ELL3: variants seen among roughly 807,000 people sequenced by gnomAD.
The protein encoded by ELL3 is elongation factor for RNA polymerase II 3.
A neutral mutation model predicts 58.5 loss-of-function variants in ELL3; 48 were observed. The observed-to-expected ratio is 0.82, with a 90% CI of 0.65 to 1.04. ELL3 has a LOEUF of 1.04. Among genes scored for constraint, ELL3 ranks in the 50% least tolerant of loss-of-function variants. The pLI, the probability that ELL3 is intolerant of heterozygous loss-of-function variation, is 0.00. For synonymous variants in ELL3, 174 were observed against 173.2 expected (o/e 1.00, Z -0.04); for missense variants, 458 against 478.4 (o/e 0.96, Z 0.40).
Position 43,774,687 on chromosome 15 carries a change from C to T in ELL3, c.732G>A (p.Leu244=). The T allele has an allele frequency of 1.2e-6, 2 of 1,614,140 alleles. No individual in the cohort carries two copies. Among genetic ancestry groups the T allele is most frequent in the Non-Finnish European group, 1.7e-6 (2 of 1,180,036 alleles). Residue 244 remains leucine (L), a synonymous_variant, in exon 7 of 11, where the codon CTG becomes CTA. Coordinates refer to ENST00000319359, the MANE Select transcript of ELL3 (RefSeq NM_025165.3). ...LPLVPSPLQG[L]TNQDLQEGED... is the part of the protein sequence containing the mutation. ...CTCCCTCTTGTAAATCCTGATTGGT[C>T]AGGCCTTGTAGGGGGCTTGGCACTA...
chr15:43,775,826 C>T lies in ELL3; in HGVS notation c.379G>A (p.Gly127Arg), dbSNP rs748786821. Residue 127 changes from glycine (G) to arginine (R), a missense_variant, in exon 4 of 11, where the codon GGA becomes AGA. Coordinates refer to ENST00000319359, the MANE Select transcript of ELL3 (RefSeq NM_025165.3). The stretch of plus-strand genomic sequence containing the variant: ...CTGGCATCTTCAGTCAGGTTGTGTC[C>T]CTGAACTGATGATGGGGCTGGGATA... Reference protein sequence around the residue: ...DSIPAPSSVQGHNLTEDARHP... With the variant: ...DSIPAPSSVQRHNLTEDARHP... 1 of 1,614,112 alleles carries T rather than the reference C, an allele frequency of 6.2e-7. No individual in the cohort carries two copies.
chr15:43,773,527 A>AG (rs1567161163), intron 9 of ELL3, among the ~76,000 whole-genome samples, 179 bp from the exon 10 acceptor site: 1 of 152,028 alleles, frequency 6.6e-6, no homozygotes, highest in Admixed American at 6.5e-5. Flanking sequence ...CTAAAAAAAT[A>AG]CAAAAAAATT....
At chr15:43,773,524 AAT>A in intron 9 of ELL3, among the ~76,000 whole-genome samples, 176 bp from the exon 10 acceptor site, 1 of 152,022 alleles carries the variant, frequency 6.6e-6, no homozygotes, top group East Asian at 1.9e-4. Context: ...CTACTAAAAA[AAT>A]ACAAAAAAAT....
Position 43,776,140 on chromosome 15 carries a change from G to A in ELL3, c.180C>T (p.Leu60=). The change falls in exon 3 of 11, where the codon CTC becomes CTT. Residue 60 remains leucine (L), a synonymous_variant. Transcript: ENST00000319359. ...AFQGHRGYLR[L]PGPGWSCLFS... is the part of the protein sequence containing the mutation. The stretch of plus-strand genomic sequence containing the variant: ...AGAGGCAGGACCAACCAGGGCCTGG[G>A]AGTCTCAGATACTGGGGGTGGAAGG... 1 of 1,614,086 alleles carries A rather than the reference G, an allele frequency of 6.2e-7. No individual in the cohort carries two copies. Among genetic ancestry groups the A allele is most frequent in the Non-Finnish European group, 8.5e-7 (1 of 1,179,992 alleles).
rs1392078607 is a variant in ELL3 at position 43,775,546 on chromosome 15, T to G, written c.548A>C (p.His183Pro). 1 of 1,614,208 alleles carries G rather than the reference T, an allele frequency of 6.2e-7. No individual in the cohort carries two copies. Among genetic ancestry groups the G allele is most frequent in the East Asian group, 2.2e-5 (1 of 44,886 alleles). ...GQSLPGSSRE[H>P]MAQWEVRSQT... is the part of the protein sequence containing the mutation. ...GTACCTCACTTCCCACTGTGCCATG[T>G]GCTCCCTTGAGGATCCTGGGAGTGA... is the stretch of plus-strand genomic sequence containing the variant. The change falls in exon 5 of 11, where the codon CAC becomes CCC. Residue 183 changes from histidine (H) to proline (P), a missense_variant. By Grantham distance (77) the His-to-Pro change is moderately conservative. Transcript: ENST00000319359.
chr15:43,776,224 A>G (rs772918291), intron 2 of ELL3, 73 bp from the exon 3 acceptor site: 1 of 1,395,762 alleles, frequency 7.2e-7, no homozygotes. Flanking sequence ...CTCGTCCGGG[A>G]GCCAGTCCGT....
In ELL3 at chr15:43,776,126, C is replaced by G; in HGVS notation, c.194G>C (p.Trp65Ser). Residue 65 changes from tryptophan (W) to serine (S), a missense_variant, in exon 3 of 11, where the codon TGG becomes TCG. Transcript: ENST00000319359. ...RGYLRLPGPG[W>S]SCLFSFIVSQ... The stretch of plus-strand genomic sequence containing the variant: ...CACTATGAAGGAGAAGAGGCAGGAC[C>G]AACCAGGGCCTGGGAGTCTCAGATA... The G allele has an allele frequency of 6.2e-7, 1 of 1,614,156 alleles. No individual in the cohort carries two copies. Among genetic ancestry groups the G allele is most frequent in the Non-Finnish European group, 8.5e-7 (1 of 1,180,020 alleles).
intron 9 of ELL3, 148 bp from the exon 10 acceptor site, chr15:43,773,496 A>C: frequency 1.3e-6 from 1 of 783,752 alleles, no homozygotes. Flanking sequence ...ATCCTGGCTA[A>C]CACAGTGAAA....
In ELL3 at chr15:43,775,847, G is replaced by A. The variant is rs2086911271; in HGVS notation, c.358C>T (p.Pro120Ser). The change falls in exon 4 of 11, where the codon CCA becomes TCA. Residue 120 changes from proline (P) to serine (S), a missense_variant. Pro to Ser is a moderately conservative substitution (Grantham distance 74). Transcript: ENST00000319359. ...LIIWAAMDSI[P>S]APSSVQGHNL... is the part of the protein sequence containing the mutation. ...TGTCCCTGAACTGATGATGGGGCTG[G>A]GATAGAATCCATGGCTGCCCAAATA... 2 of 1,614,046 alleles carry A rather than the reference G, an allele frequency of 1.2e-6. No homozygotes were observed. Among genetic ancestry groups the A allele is most frequent in the Non-Finnish European group, 1.7e-6 (2 of 1,180,042 alleles).
chr15:43,774,505 T>G lies in ELL3; in HGVS notation c.837A>C (p.Pro279=). The change falls in exon 8 of 11, where the codon CCA becomes CCC. Residue 279 remains proline, a synonymous_variant. Coordinates refer to ENST00000319359, the MANE Select transcript of ELL3 (RefSeq NM_025165.3). The part of the protein sequence containing the change: ...SSSVQEDSES[P]SPEDIPDYLL... ...GGTAGTCTGGTATATCTTCAGGACT[T>G]GGGGATTCAGAATCTAGGAAGGAAG... 1.2e-6 allele frequency: 2 copies of G among 1,614,180 alleles called. No individual in the cohort carries two copies. The highest frequency in any genetic ancestry group is 1.7e-6 in the Non-Finnish European group (2 of 1,180,022).
intron 6 of ELL3, 26 bp from the exon 7 acceptor site, chr15:43,774,799 A>ATAAACAGCCAAGAGCTTCC: frequency 6.4e-7 from 1 of 1,571,576 alleles, no homozygotes; most frequent in African/African-American, 1.4e-5. Flanking sequence ...TCTGTGTGAC[A>ATAAACAGCCAAGAGCTTCC]TAAACAGCCA....
In ELL3 at chr15:43,775,537, TG is replaced by T; in HGVS notation, c.556del (p.Gln186SerfsTer4). 6.2e-7 allele frequency: 1 copy of T among 1,614,216 alleles called. No individual in the cohort carries two copies. The highest frequency in any genetic ancestry group is 8.5e-7 in the Non-Finnish European group (1 of 1,180,040). On this transcript the variant is annotated frameshift_variant, in exon 5 of 11. Coordinates refer to ENST00000319359, the MANE Select transcript of ELL3 (RefSeq NM_025165.3). LOFTEE classifies it high-confidence loss of function. ...LPGSSREHMA[Q>X]WEVRSQTHVP... ...CCATCCAAAGTACCTCACTTCCCAC[TG>T]TGCCATGTGCTCCCTTGAGGATCCT...
rs775222349 is a variant in ELL3 at position 43,773,102 on chromosome 15, T to C, written c.*14A>G. 1 of 1,582,990 alleles carries C rather than the reference T, an allele frequency of 6.3e-7. No individual in the cohort carries two copies. Among genetic ancestry groups the C allele is most frequent in the Non-Finnish European group, 8.6e-7 (1 of 1,169,092 alleles). On this transcript the variant is annotated 3_prime_UTR_variant, in exon 11 of 11. Transcript: ENST00000319359. Reference sequence around the variant, plus strand: ...GTTTCACTAAGCAGAGGCTCAAAAATTCCCTTGATAACTTCAGCTGCCCCT... The same window carrying C: ...GTTTCACTAAGCAGAGGCTCAAAAACTCCCTTGATAACTTCAGCTGCCCCT...
rs374712824 is a variant in ELL3, at chr15:43,773,710, AAG to A, written c.1039-364_1039-363del. On this transcript the variant is annotated intron_variant, in intron 9 of 10. Transcript: ENST00000319359. ...GAGACTGTCTCAAAAAGAAAAAAAA[AAG>A]AGAGAGGGGCCAGGCGCAGTGGCTC... Among the ~76,000 whole-genome samples the A allele has an allele frequency of 5.1e-3, 765 of 151,462 alleles. 2 individuals carry two copies. The highest frequency in any genetic ancestry group is 0.015 in the African/African-American group (621 of 41,208).
chr15:43,774,642 A>T lies in ELL3; in HGVS notation c.777T>A (p.Asp259Glu). The T allele has an allele frequency of 6.2e-7, 1 of 1,614,144 alleles. No individual in the cohort carries two copies. Among genetic ancestry groups the T allele is most frequent in the East Asian group, 2.2e-5 (1 of 44,884 alleles). Residue 259 changes from aspartate (D) to glutamate (E), a missense_variant, in exon 7 of 11, where the codon GAT (aspartate) becomes GAA (glutamate). By Grantham distance (45) the Asp-to-Glu change is conservative. Transcript: ENST00000319359. ...GTTCTAATCTGGGGTCCATGTCCTC[A>T]TCTTCTTGCTCCCAATCTTCTCCCT... ...LQEGEDWEQE[D>E]EDMDPRLEHS...
chr15:43,773,294 C>G lies in ELL3; in HGVS notation c.1083+10G>C. 6.2e-7 allele frequency: 1 copy of G among 1,614,136 alleles called. No homozygotes were observed. Among genetic ancestry groups the G allele is most frequent in the East Asian group, 2.2e-5 (1 of 44,888 alleles). On this transcript the variant is annotated intron_variant, in intron 10 of 10. Transcript: ENST00000319359. ...TTCTACCTTGCTTCCGTTCCCAGACCTTGTCTTACCTTCCTGAACTTTTTA... is the reference window on the plus strand; with the variant it reads ...TTCTACCTTGCTTCCGTTCCCAGACGTTGTCTTACCTTCCTGAACTTTTTA...
chr15:43,775,493 TTCCCATGTTAG>T, intron 5 of ELL3, 21 bp downstream of exon 5: 2 of 1,613,392 alleles, frequency 1.2e-6, no homozygotes, highest in Non-Finnish European at 1.7e-6. Flanking sequence ...ATGCCAAAGC[TTCCCATGTTAG>T]TCCCACCCCA....
intron 9 of ELL3, among the ~76,000 whole-genome samples, chr15:43,773,866 GTGGCACA>G (rs1422610965): frequency 6.6e-6 from 1 of 152,056 alleles, no homozygotes; most frequent in Admixed American, 6.6e-5. Flanking sequence ...GCTGGGCATG[GTGGCACA>G]TACCTATAAT....
Position 43,775,815 on chromosome 15 carries a change from C to G in ELL3, c.390G>C (p.Leu130=). Residue 130 remains leucine (L), a synonymous_variant, in exon 4 of 11, where the codon CTG becomes CTC. Coordinates refer to ENST00000319359, the MANE Select transcript of ELL3 (RefSeq NM_025165.3). ...PAPSSVQGHN[L]TEDARHPESW... ...TCTCAGGATGTCTGGCATCTTCAGT[C>G]AGGTTGTGTCCCTGAACTGATGATG... 1 of 1,614,194 alleles carries G rather than the reference C, an allele frequency of 6.2e-7. No homozygotes were observed. Among genetic ancestry groups the G allele is most frequent in the Admixed American group, 1.7e-5 (1 of 60,016 alleles).
Sources: gnomAD v4.1 joint callset for allele counts (sites outside exome capture counted in the v4.1 genomes callset) on GRCh38, gnomAD v4.1.1 for gene constraint, MANE v1.5 for transcripts, NCBI Gene and HGNC (gene_info 2026-07-23, HGNC 2026-07-21) for gene names.